Variants in HECW1 observed in about 807,000 individuals in gnomAD.
HECW1 encodes E3 ubiquitin-protein ligase HECW1.
In HECW1, 61 loss-of-function variants were observed where a neutral mutation model predicts 182.3. That is an observed-to-expected ratio of 0.33 (90% confidence interval 0.27 to 0.41). The LOEUF is 0.41. Ranked by LOEUF, HECW1 falls within the 10% of genes least tolerant of loss-of-function variation. HECW1 has a pLI of 1.00. For missense variants in HECW1, 1,739 were observed against 2,108.9 expected, an observed-to-expected ratio of 0.82 and a Z score of 3.44; for synonymous variants, 859 against 832.6, an observed-to-expected ratio of 1.03 and a Z score of -0.55.
chr7:43,303,442 T>C (rs553068216), intron 3 of HECW1, among the ~76,000 whole-genome samples: 1 of 151,038 alleles, frequency 6.6e-6, no homozygotes, highest in South Asian at 2.1e-4. Flanking sequence ...GATAAGGCAT[T>C]ATGTGTTCCT....
At chr7:43,276,843 A>G (rs1395474309) in intron 3 of HECW1, among the ~76,000 whole-genome samples, 1 of 152,236 alleles carries the variant, frequency 6.6e-6, no homozygotes, top group East Asian at 1.9e-4. Flanking sequence ...CTTTTCCTAA[A>G]GTGAAGTCAA....
chr7:43,175,243 G>C (rs9655043), intron 2 of HECW1, among the ~76,000 whole-genome samples: 1 of 151,614 alleles, frequency 6.6e-6, no homozygotes, highest in Non-Finnish European at 1.5e-5. Flanking sequence ...TCATTCCCTC[G>C]CACACTTACC....
intron 2 of HECW1, among the ~76,000 whole-genome samples, chr7:43,205,744 G>T (rs565246661): frequency 6.6e-6 from 1 of 152,268 alleles, no homozygotes; most frequent in East Asian, 1.9e-4. Flanking sequence ...GTTTCATCAT[G>T]GTCAGTGGAC....
chr7:43,397,220 A>G (rs2075260746), intron 7 of HECW1, among the ~76,000 whole-genome samples: 1 of 152,214 alleles, frequency 6.6e-6, no homozygotes, highest in African/African-American at 2.4e-5. Flanking sequence ...GCAGCTATTC[A>G]ACTCTTTGTC....
intron 2 of HECW1, among the ~76,000 whole-genome samples, chr7:43,124,290 G>A (rs9791927): frequency 0.048 from 7,269 of 152,280 alleles, 234 homozygotes; most frequent in East Asian, 0.15. Context: ...GTATAAATTC[G>A]CAAATAGCTT....
intron 6 of HECW1, 111 bp downstream of exon 6, chr7:43,361,091 C>T (rs1003028681): frequency 1.3e-4 from 81 of 624,570 alleles, no homozygotes; most frequent in East Asian, 5.4e-4. Flanking sequence ...TGTGTGTGTA[C>T]GTGTACATAC....
rs559546943 is a variant in HECW1 at position 43,125,554 on chromosome 7, A to G, written c.-32+11163A>G. 2.0e-5 allele frequency among the ~76,000 whole-genome samples: 3 copies of G among 152,050 alleles called. No individual in the cohort carries two copies. In the South Asian group the frequency reaches 6.3e-4, roughly 32 times the overall value. ...GGTGGATCACAAGGTCAGGAGTTCG[A>G]GACCAGCCTGGCCAATATGGTGAAA... On this transcript the variant is annotated intron_variant, in intron 2 of 29. Transcript: ENST00000395891.
At chr7:43,392,743 C>A (rs1317348207) in intron 6 of HECW1, among the ~76,000 whole-genome samples, 3 of 152,158 alleles carry the variant, frequency 2.0e-5, no homozygotes, top group Non-Finnish European at 4.4e-5. Flanking sequence ...ATCTTTCATG[C>A]AGTGATACTG....
intron 5 of HECW1, among the ~76,000 whole-genome samples, chr7:43,328,805 G>A (rs761973221): frequency 1.3e-5 from 2 of 152,142 alleles, no homozygotes; most frequent in African/African-American, 4.8e-5. Context: ...CCAATGAGAA[G>A]AAAACACTCA....
intron 2 of HECW1, among the ~76,000 whole-genome samples, chr7:43,126,007 AG>A (rs2152611844): frequency 6.7e-6 from 1 of 150,332 alleles, no homozygotes; most frequent in African/African-American, 2.4e-5. Context: ...ATGGTCCAAA[AG>A]CTTTGGGGGA....
At chr7:43,414,419 C>T (rs1437921619) in intron 8 of HECW1, among the ~76,000 whole-genome samples, 1 of 142,514 alleles carries the variant, frequency 7.0e-6, no homozygotes, top group Non-Finnish European at 1.5e-5. Context: ...AATTTGACTT[C>T]CTCTTTTCCT....
At chr7:43,387,855 A>G (rs1403740961) in intron 6 of HECW1, among the ~76,000 whole-genome samples, 3 of 152,242 alleles carry the variant, frequency 2.0e-5, no homozygotes, top group Admixed American at 6.5e-5. Flanking sequence ...AAAGTAAGGA[A>G]TCAGATATTA....
At position 43,501,203 on chromosome 7, in the gene HECW1, T is replaced by C. The variant is rs1563061845; in HGVS notation, c.3522-10T>C. The stretch of plus-strand genomic sequence containing the variant: ...TCTTTCTTTTTTTTTTTTTTTTTTT[T>C]CATATGCAGTCTCTTTGAAGAAGAG... On this transcript the variant is annotated splice_polypyrimidine_tract_variant and intron_variant, in intron 20 of 29. Transcript: ENST00000395891. 8 of 1,121,430 alleles carry C rather than the reference T, an allele frequency of 7.1e-6. No individual in the cohort carries two copies. The highest frequency in any genetic ancestry group is 1.3e-6 in the Non-Finnish European group (1 of 771,804). 69.5% of individuals were successfully genotyped at this position (1,121,430 alleles called of 1,614,324 possible).
intron 3 of HECW1, chr7:43,274,596 GC>G (rs1239530665): frequency 1.6e-5 from 7 of 436,032 alleles, no homozygotes; most frequent in Middle Eastern, 7.3e-4. Context: ...CAGGTTCCTC[GC>G]CCCGGGTGTG....
chr7:43,553,726 G>T (rs1057386033), intron 28 of HECW1, among the ~76,000 whole-genome samples: 2 of 147,224 alleles, frequency 1.4e-5, no homozygotes, highest in African/African-American at 2.5e-5. Context: ...AACACCCCCC[G>T]GAAATATTCC....
chr7:43,469,067 C>T lies in HECW1; in HGVS notation c.3061C>T (p.Pro1021Ser). The change falls in exon 16 of 30, where the codon CCC becomes TCC. Residue 1021 changes from proline (P) to serine (S), a missense_variant. Pro to Ser is a moderately conservative substitution (Grantham distance 74). Transcript: ENST00000395891. ...NMFADTRLELPRGWEIKTDQQ... is the reference protein window; with the variant it reads ...NMFADTRLELSRGWEIKTDQQ... ...GTTCGCAGACACTCGGCTGGAACTG[C>T]CCCGGGGCTGGGAGATCAAAACGGA... The T allele has an allele frequency of 2.5e-6, 4 of 1,614,130 alleles. No homozygotes were observed. Among genetic ancestry groups the T allele is most frequent in the Non-Finnish European group, 3.4e-6 (4 of 1,180,016 alleles).
chr7:43,214,917 G>A (rs1238504245), intron 2 of HECW1, among the ~76,000 whole-genome samples: 1 of 152,208 alleles, frequency 6.6e-6, no homozygotes, highest in Non-Finnish European at 1.5e-5. Context: ...CAGCGGGTGA[G>A]GGGGCCCATG....
intron 3 of HECW1, among the ~76,000 whole-genome samples, chr7:43,278,268 C>T (rs760379107): frequency 6.6e-5 from 10 of 152,272 alleles, no homozygotes; most frequent in Non-Finnish European, 1.2e-4. Context: ...GCGATTCCCT[C>T]CTTCCTGTTT....
At chr7:43,508,207 C>G (rs754652115) in intron 23 of HECW1, 76 bp downstream of exon 23, 100 of 867,696 alleles carry the variant, frequency 1.2e-4, no homozygotes, top group Non-Finnish European at 1.7e-4. Flanking sequence ...TGATTTTTCT[C>G]AAGAAGGAGC....
Sources: gnomAD v4.1 joint callset for allele counts (sites outside exome capture counted in the v4.1 genomes callset) on GRCh38, gnomAD v4.1.1 for gene constraint, MANE v1.5 for transcripts, NCBI Gene and HGNC (gene_info 2026-07-23, HGNC 2026-07-21) for gene names.